The following HIVEP1 variants were observed in gnomAD, a reference collection of about 807,000 sequenced individuals.
The protein encoded by HIVEP1 is HIVEP zinc finger 1, also known as zinc finger protein 40.
Under a neutral mutation model 180.0 loss-of-function variants are expected in HIVEP1, and 36 were observed. That is an observed-to-expected ratio of 0.20 (90% confidence interval 0.15 to 0.26). The LOEUF is 0.26. HIVEP1 is among the 10% of genes least tolerant of loss of function. HIVEP1 has a pLI of 1.00. For synonymous variants in HIVEP1, 1,239 were observed against 1,239.0 expected (o/e 1.00, Z 0.00); for missense variants, 3,143 against 3,268.7 (o/e 0.96, Z 0.94).
the HIVEP1 span, among the ~76,000 whole-genome samples, chr6:12,203,998 A>G: frequency 1.3e-5 from 2 of 152,006 alleles, no homozygotes; most frequent in Non-Finnish European, 2.9e-5. Flanking sequence ...AATCACTTGA[A>G]CCTGGGAGGC....
At chr6:12,149,811 C>T (rs577324565) in intron 7 of HIVEP1, among the ~76,000 whole-genome samples, 53 of 152,254 alleles carry the variant, frequency 3.5e-4, no homozygotes, top group Middle Eastern at 6.8e-3. Flanking sequence ...TGTGCCTGGT[C>T]CCTGGTTGAT....
chr6:12,036,354 A>G (rs1318709619), intron 2 of HIVEP1, among the ~76,000 whole-genome samples: 6 of 152,260 alleles, frequency 3.9e-5, no homozygotes, highest in African/African-American at 7.2e-5. Flanking sequence ...AAAAATGTTC[A>G]TTATATGTAA....
intron 2 of HIVEP1, among the ~76,000 whole-genome samples, chr6:12,060,924 G>C (rs192065205): frequency 1.3e-5 from 2 of 152,184 alleles, no homozygotes; most frequent in African/African-American, 2.4e-5. Flanking sequence ...TTTCATTTGC[G>C]TAAGAGATGG....
intron 2 of HIVEP1, among the ~76,000 whole-genome samples, chr6:12,055,120 C>T (rs1770774034): frequency 6.6e-6 from 1 of 152,104 alleles, no homozygotes; most frequent in Non-Finnish European, 1.5e-5. Flanking sequence ...CATTACGAAC[C>T]TAAAGTTATA....
At chr6:12,132,571 A>G (rs577406282) in intron 6 of HIVEP1, among the ~76,000 whole-genome samples, 79 of 152,320 alleles carry the variant, frequency 5.2e-4, no homozygotes, top group African/African-American at 1.5e-3. Context: ...TATTAATCTT[A>G]GTGAAATTAA....
the HIVEP1 span, among the ~76,000 whole-genome samples, chr6:12,171,115 A>T: frequency 6.6e-6 from 1 of 152,208 alleles, no homozygotes; most frequent in Non-Finnish European, 1.5e-5. Flanking sequence ...TGTACTAAAA[A>T]ACAGCAGTTT....
chr6:12,179,525 T>C, the HIVEP1 span, among the ~76,000 whole-genome samples: 1 of 152,186 alleles, frequency 6.6e-6, no homozygotes, highest in Non-Finnish European at 1.5e-5. Flanking sequence ...CTTAAAAATA[T>C]GAGCCAGTGG....
Position 12,124,797 on chromosome 6 carries a change from C to T in HIVEP1, c.5002C>T (p.Pro1668Ser). The T allele has an allele frequency of 1.9e-6, 3 of 1,614,112 alleles. No individual in the cohort carries two copies. Among genetic ancestry groups the T allele is most frequent in the Non-Finnish European group, 1.7e-6 (2 of 1,180,012 alleles). Residue 1668 changes from proline to serine, a missense_variant, in exon 4 of 9, where the codon CCA becomes TCA. Physicochemically the swap from Pro to Ser is moderately conservative, Grantham distance 74 (BLOSUM62 -1). Around this residue, in one of 12 missense-constraint regions of HIVEP1, gnomAD observed 1,357 missense variants for 1,260.5 expected, o/e 1.08. Transcript: ENST00000379388. The part of the protein sequence containing the change: ...ILVTQDLPNQ[P>S]ICQTNHSVVP... ...AGTGACCCAAGATCTGCCCAATCAG[C>T]CAATTTGCCAGACTAATCATAGTGT...
intron 5 of HIVEP1, among the ~76,000 whole-genome samples, chr6:12,130,409 G>A (rs115510481): frequency 0.01 from 1,581 of 152,210 alleles, 26 homozygotes; most frequent in African/African-American, 0.036. Flanking sequence ...GCAGTGGTGC[G>A]CGCCTGTAGT....
intron 2 of HIVEP1, among the ~76,000 whole-genome samples, chr6:12,016,176 G>A (rs932612913): frequency 6.6e-5 from 10 of 152,196 alleles, no homozygotes; most frequent in Admixed American, 2.6e-4. Flanking sequence ...TATTTTCCAC[G>A]AAGAAGCAGT....
At chr6:12,178,282 A>C in the HIVEP1 span, among the ~76,000 whole-genome samples, 1 of 152,224 alleles carries the variant, frequency 6.6e-6, no homozygotes, top group African/African-American at 2.4e-5. Context: ...ACACACTAGG[A>C]AAATGTTCAA....
At chr6:12,025,321 T>A (rs1195581986) in intron 2 of HIVEP1, among the ~76,000 whole-genome samples, 1 of 152,224 alleles carries the variant, frequency 6.6e-6, no homozygotes, top group Non-Finnish European at 1.5e-5. Context: ...TTTTTTTTCT[T>A]AAGCCTTTAA....
Position 12,120,518 on chromosome 6 carries a change from G to C in HIVEP1, c.723G>C (p.Met241Ile), listed in dbSNP as rs1212464230. 1 of 1,614,154 alleles carries C rather than the reference G, an allele frequency of 6.2e-7. No individual in the cohort carries two copies. Among genetic ancestry groups the C allele is most frequent in the Non-Finnish European group, 8.5e-7 (1 of 1,180,026 alleles). ...RSPPKLKNSS[M>I]DAPNQTSQEL... is the part of the protein sequence containing the mutation. The stretch of plus-strand genomic sequence containing the variant: ...CTCCCAAATTAAAAAACAGTTCAAT[G>C]GATGCCCCAAATCAGACTTCACAGG... The change falls in exon 4 of 9, where the codon ATG becomes ATC. Residue 241 changes from methionine (M) to isoleucine (I), a missense_variant. Around this residue, in one of 12 missense-constraint regions of HIVEP1, gnomAD observed 306 missense variants for 310.6 expected, o/e 0.99. Coordinates refer to ENST00000379388, the MANE Select transcript of HIVEP1 (RefSeq NM_002114.4).
intron 7 of HIVEP1, among the ~76,000 whole-genome samples, chr6:12,140,649 G>A (rs185171703): frequency 1.1e-4 from 16 of 152,304 alleles, no homozygotes; most frequent in Non-Finnish European, 2.4e-4. Flanking sequence ...TGGCTAACTA[G>A]AATAAACAGT....
Position 12,163,873 on chromosome 6 carries a change from G to A in HIVEP1, c.7569G>A (p.Gln2523=), listed in dbSNP as rs774168710. Residue 2523 remains glutamine, a synonymous_variant, in exon 9 of 9, where the codon CAG becomes CAA. Coordinates refer to ENST00000379388, the MANE Select transcript of HIVEP1 (RefSeq NM_002114.4). ...PGLALNAVGL[Q]VLTANPSSQS... ...TGGCTCTGAATGCTGTCGGACTGCA[G>A]GTTCTGACTGCAAACCCTTCATCAC... The A allele has an allele frequency of 3.9e-5, 63 of 1,614,024 alleles. No homozygotes were observed. The highest frequency in any genetic ancestry group is 6.7e-5 in the Admixed American group (4 of 59,998).
At chr6:12,139,313 T>C (rs568643985) in intron 7 of HIVEP1, among the ~76,000 whole-genome samples, 112 of 152,248 alleles carry the variant, frequency 7.4e-4, no homozygotes, top group Admixed American at 2.7e-3. Context: ...GGCCCCTGTC[T>C]CAGGGACTTT....
chr6:12,038,000 C>T lies in HIVEP1; in HGVS notation c.40+22332C>T, dbSNP rs1049065118. On this transcript the variant is annotated intron_variant, in intron 2 of 8. Coordinates refer to ENST00000379388, the MANE Select transcript of HIVEP1 (RefSeq NM_002114.4). ...AAAGCACTGAGATTACAGGCATGAG[C>T]CACCGCACCTAGTCTGTGGTTTTTC... 3.2e-5 allele frequency: 12 copies of T among 378,478 alleles called. 1 individual carries two copies. The highest frequency in any genetic ancestry group is 1.9e-4 in the African/African-American group (9 of 48,134). 23.4% of individuals were successfully genotyped at this position (378,478 alleles called of 1,614,324 possible).
chr6:12,010,714 G>A (rs1767230611), upstream of HIVEP1, among the ~76,000 whole-genome samples: 1 of 151,564 alleles, frequency 6.6e-6, no homozygotes, highest in Admixed American at 6.6e-5. Flanking sequence ...TGGAATTTCT[G>A]TGCCCCAAAC....
intron 3 of HIVEP1, among the ~76,000 whole-genome samples, chr6:12,115,987 C>T (rs1189321302): frequency 6.6e-6 from 1 of 151,804 alleles, no homozygotes; most frequent in Non-Finnish European, 1.5e-5. Flanking sequence ...ACCTTAACAA[C>T]AAATTGCCTT....
Sources: gnomAD v4.1 joint callset for allele counts (sites outside exome capture counted in the v4.1 genomes callset) on GRCh38, gnomAD v4.1.1 for gene constraint, gnomAD v4.1.1 regional missense constraint, MANE v1.5 for transcripts, NCBI Gene and HGNC (gene_info 2026-07-23, HGNC 2026-07-21) for gene names.